Variants in TENM2 observed in about 807,000 individuals in gnomAD.
TENM2 encodes teneurin-2.
TENM2 carries 52 observed loss-of-function variants against 245.2 expected under a neutral mutation model. The ratio of observed to expected loss-of-function variants is 0.21; its 90% CI spans 0.17 to 0.27. The LOEUF is 0.27. Ranked by LOEUF, TENM2 falls within the 10% of genes least tolerant of loss-of-function variation. TENM2 has a pLI of 1.00. For missense variants in TENM2, 3,046 were observed against 3,666.8 expected (o/e 0.83, Z 4.37); for synonymous variants, 1,363 against 1,438.9 (o/e 0.95, Z 1.19).
intron 2 of TENM2, among the ~76,000 whole-genome samples, chr5:167,818,802 C>T (rs1254238556): frequency 1.3e-5 from 2 of 152,146 alleles, no homozygotes. Context: ...CTTTTAAACC[C>T]TATTCAAAAA....
At chr5:168,169,870 G>C (rs1464831256) in intron 13 of TENM2, among the ~76,000 whole-genome samples, 2 of 152,212 alleles carry the variant, frequency 1.3e-5, no homozygotes. Context: ...TCCCTTTGCA[G>C]TCCAAAGACC....
the TENM2 span, among the ~76,000 whole-genome samples, chr5:167,054,215 C>G: frequency 3.3e-5 from 1 of 30,124 alleles, no homozygotes; most frequent in Non-Finnish European, 6.4e-5. Flanking sequence ...CTGCTAATTC[C>G]TGTAAATATC....
chr5:167,187,005 C>G, the TENM2 span, among the ~76,000 whole-genome samples: 10 of 152,140 alleles, frequency 6.6e-5, no homozygotes, highest in African/African-American at 2.4e-4. Context: ...CTAACTTCTC[C>G]TCTCCACCCG....
intron 1 of TENM2, among the ~76,000 whole-genome samples, chr5:167,366,032 GA>G (rs1352928043): frequency 6.6e-6 from 1 of 151,880 alleles, no homozygotes; most frequent in Non-Finnish European, 1.5e-5. Flanking sequence ...CATAAGGGTA[GA>G]AATTGATAAA....
intron 2 of TENM2, among the ~76,000 whole-genome samples, chr5:167,723,520 T>C (rs966165385): frequency 3.9e-5 from 6 of 152,212 alleles, no homozygotes; most frequent in African/African-American, 1.4e-4. Flanking sequence ...TCACTCGAGA[T>C]ACAAGCCAAG....
At chr5:167,036,224 A>C in the TENM2 span, among the ~76,000 whole-genome samples, 1 of 152,172 alleles carries the variant, frequency 6.6e-6, no homozygotes, top group Non-Finnish European at 1.5e-5. Flanking sequence ...AGAGAAAAGC[A>C]AGTGCCAGGG....
intron 2 of TENM2, among the ~76,000 whole-genome samples, chr5:167,790,875 T>C (rs777263303): frequency 3.9e-5 from 6 of 152,210 alleles, no homozygotes; most frequent in African/African-American, 7.2e-5. Flanking sequence ...GCTTTCTACA[T>C]TGAATACAAA....
intron 5 of TENM2, among the ~76,000 whole-genome samples, chr5:168,029,886 G>A (rs1001175822): frequency 4.6e-5 from 7 of 152,154 alleles, no homozygotes; most frequent in Admixed American, 2.0e-4. Context: ...AAGATCCAAC[G>A]GATTTTTTAA....
the TENM2 span, among the ~76,000 whole-genome samples, chr5:167,142,735 A>G: frequency 6.6e-6 from 1 of 152,138 alleles, no homozygotes; most frequent in Non-Finnish European, 1.5e-5. Flanking sequence ...TATTTTTAGT[A>G]GAGACGGGGT....
intron 3 of TENM2, among the ~76,000 whole-genome samples, chr5:167,944,917 C>T (rs32412): frequency 0.24 from 36,865 of 151,998 alleles, 5,104 homozygotes; most frequent in African/African-American, 0.39. Context: ...CAAACAAAGA[C>T]GGAGGAGTTT....
At chr5:168,011,027 C>T (rs1193209692) in intron 5 of TENM2, among the ~76,000 whole-genome samples, 1 of 152,206 alleles carries the variant, frequency 6.6e-6, no homozygotes, top group South Asian at 2.1e-4. Flanking sequence ...ATTAAGCTGA[C>T]TTGATTTGAA....
chr5:167,678,052 C>G (rs2150367594), intron 2 of TENM2, among the ~76,000 whole-genome samples: 1 of 152,000 alleles, frequency 6.6e-6, no homozygotes, highest in East Asian at 1.9e-4. Context: ...TTTAAAATGA[C>G]AGGTCACAGA....
the TENM2 span, among the ~76,000 whole-genome samples, chr5:167,090,145 T>C: frequency 1.3e-5 from 2 of 152,144 alleles, no homozygotes; most frequent in African/African-American, 4.8e-5. Context: ...AAGAGAAGAA[T>C]GGTAATAAAC....
intron 7 of TENM2, among the ~76,000 whole-genome samples, chr5:168,062,749 C>T (rs1790154946): frequency 6.6e-6 from 1 of 152,118 alleles, no homozygotes; most frequent in Non-Finnish European, 1.5e-5. Context: ...AAACACTATG[C>T]AAAGTGAAAG....
the TENM2 span, among the ~76,000 whole-genome samples, chr5:167,166,681 T>C: frequency 6.6e-6 from 1 of 152,150 alleles, no homozygotes; most frequent in Non-Finnish European, 1.5e-5. Context: ...AAATAACACA[T>C]TAAAGCAGCA....
Position 167,952,507 on chromosome 5 carries a change from G to A in TENM2, c.713-81G>A, listed in dbSNP as rs1780188747. On this transcript the variant is annotated intron_variant, in intron 3 of 28. Coordinates refer to ENST00000518659, the Ensembl canonical transcript of TENM2. ...ATTGTCAGCTTAGAGACTTTGGTTT[G>A]AAACTCTCCTCCAGTGGTTTGCAGA... 4.9e-6 allele frequency: 6 copies of A among 1,228,162 alleles called. No individual in the cohort carries two copies. The South Asian group carries it at 8.3e-5, about 17-fold the overall frequency. The allele number at this position is 1,228,162 out of a possible 1,614,324, so 76.1% of individuals were successfully genotyped here. A position where few individuals can be genotyped will look rare whatever the true frequency, so the allele number is the denominator to read the frequency against.
At chr5:168,193,099 G>A (rs1012999006) in intron 14 of TENM2, among the ~76,000 whole-genome samples, 38 of 152,332 alleles carry the variant, frequency 2.5e-4, no homozygotes, top group African/African-American at 8.4e-4. Context: ...AAAGAAAGTT[G>A]CTTTAGAGAA....
At chr5:167,548,029 TTCA>T (rs1168523799) in intron 2 of TENM2, among the ~76,000 whole-genome samples, 1 of 152,246 alleles carries the variant, frequency 6.6e-6, no homozygotes, top group Non-Finnish European at 1.5e-5. Context: ...ACTCTGGTCA[TTCA>T]TCGATTCTTG....
intron 2 of TENM2, among the ~76,000 whole-genome samples, chr5:167,412,925 G>A (rs896410587): frequency 2.0e-5 from 3 of 151,102 alleles, no homozygotes; most frequent in African/African-American, 7.3e-5. Flanking sequence ...ATACAGCAGA[G>A]GGACTGAATT....
Sources: allele counts gnomAD v4.1 joint callset (sites outside exome capture counted in the v4.1 genomes callset), GRCh38; gene constraint gnomAD v4.1.1; transcripts MANE v1.5; gene names NCBI Gene and HGNC (gene_info 2026-07-23, HGNC 2026-07-21).